Variants in INSIG2 observed in about 807,000 individuals in gnomAD.
INSIG2 encodes the protein insulin induced gene 2, also known as insulin-induced gene 2 protein.
In INSIG2, 10 loss-of-function variants were observed where a neutral mutation model predicts 27.2. That is an observed-to-expected ratio of 0.37 (90% CI 0.23 to 0.62). The LOEUF (loss-of-function observed/expected upper bound fraction) is 0.62. INSIG2 is among the 20% of genes least tolerant of loss of function. The pLI is 0.65. For missense variants in INSIG2, 178 were observed against 270.2 expected (o/e 0.66, Z 2.39); for synonymous variants, 97 against 95.8 (o/e 1.01, Z -0.07).
At chr2:118,100,308 T>C (rs1036153255) in intron 2 of INSIG2, among the ~76,000 whole-genome samples, 4 of 151,614 alleles carry the variant, frequency 2.6e-5, no homozygotes, top group African/African-American at 7.3e-5. Flanking sequence ...CTGCCCTTAA[T>C]GCAGGATTGT....
At chr2:118,099,380 C>T (rs1366844602) in intron 2 of INSIG2, among the ~76,000 whole-genome samples, 2 of 152,178 alleles carry the variant, frequency 1.3e-5, no homozygotes, top group African/African-American at 4.8e-5. Flanking sequence ...TAGCACAATC[C>T]TGGAAAATTT....
At chr2:118,103,101 T>C in intron 2 of INSIG2, 96 bp from the exon 3 acceptor site, 1 of 1,016,146 alleles carries the variant, frequency 9.8e-7, no homozygotes, top group Non-Finnish European at 1.4e-6. Context: ...TTTAAGAATC[T>C]TTAAAATGCT....
At chr2:118,098,683 T>C (rs1279283357) in intron 2 of INSIG2, among the ~76,000 whole-genome samples, 1 of 152,204 alleles carries the variant, frequency 6.6e-6, no homozygotes, top group East Asian at 1.9e-4. Context: ...ACCTGCTGTC[T>C]TGTCCTTCTG....
chr2:118,097,111 T>A (rs553904738), intron 2 of INSIG2, among the ~76,000 whole-genome samples: 2 of 152,300 alleles, frequency 1.3e-5, no homozygotes, highest in Admixed American at 1.3e-4. Flanking sequence ...CATAAATTAT[T>A]TATCTCTGTT....
chr2:118,107,285 A>G (rs77719636), intron 5 of INSIG2, 96 bp downstream of exon 5: 17 of 759,326 alleles, frequency 2.2e-5, no homozygotes, highest in Middle Eastern at 2.4e-4. Flanking sequence ...TGTGAAGACA[A>G]CATTCTTTGA....
chr2:118,090,255 C>T (rs1036462318), intron 1 of INSIG2, among the ~76,000 whole-genome samples: 8 of 152,154 alleles, frequency 5.3e-5, no homozygotes, highest in African/African-American at 1.9e-4. Context: ...AGTAAAAATA[C>T]TTCTTTTACG....
intron 5 of INSIG2, 101 bp downstream of exon 5, chr2:118,107,290 C>A: frequency 4.1e-6 from 3 of 727,396 alleles, no homozygotes; most frequent in Middle Eastern, 2.4e-4. Flanking sequence ...AGACAACATT[C>A]TTTGATTGCT....
chr2:118,105,732 G>A (rs1305803474), intron 3 of INSIG2, among the ~76,000 whole-genome samples: 1 of 152,126 alleles, frequency 6.6e-6, no homozygotes, highest in African/African-American at 2.4e-5. Flanking sequence ...TAAAGGAAGT[G>A]GGAAATGGCT....
At chr2:118,092,731 T>C (rs1678284312) in intron 1 of INSIG2, among the ~76,000 whole-genome samples, 1 of 152,166 alleles carries the variant, frequency 6.6e-6, no homozygotes, top group Admixed American at 6.5e-5. Flanking sequence ...TATGTTTGTT[T>C]TGAAGAGTAG....
In INSIG2 at chr2:118,109,717, C is replaced by G. The variant is rs1015648551; in HGVS notation, c.*1395C>G. The stretch of plus-strand genomic sequence containing the variant: ...CTTTGAGTTTTAAAGCAATTACTAT[C>G]AGACTGAGATCTTGTATGCCAAACT... On this transcript the variant is annotated 3_prime_UTR_variant, in exon 6 of 6. Transcript: ENST00000245787. The G allele has an allele frequency of 2.6e-5, 4 of 151,800 alleles. No individual in the cohort carries two copies. The highest frequency in any genetic ancestry group is 7.3e-5 in the African/African-American group (3 of 41,122). 9.4% of individuals were successfully genotyped at this position (151,800 alleles called of 1,614,324 possible).
chr2:118,098,360 T>C (rs1283970648), intron 2 of INSIG2, among the ~76,000 whole-genome samples: 1 of 152,144 alleles, frequency 6.6e-6, no homozygotes, highest in East Asian at 1.9e-4. Flanking sequence ...AGAGCAACTT[T>C]GGGAGAGAGA....
At chr2:118,093,259 G>A in intron 1 of INSIG2, among the ~76,000 whole-genome samples, 1 of 88,108 alleles carries the variant, frequency 1.1e-5, no homozygotes, top group Non-Finnish European at 2.1e-5. Flanking sequence ...GGAGAGTTCT[G>A]TAGCTACTGA....
chr2:118,101,271 A>G (rs1477305684), intron 2 of INSIG2, among the ~76,000 whole-genome samples: 2 of 152,224 alleles, frequency 1.3e-5, no homozygotes, highest in Admixed American at 6.5e-5. Context: ...TCAGTGAGCA[A>G]CTGAGAACCA....
intron 2 of INSIG2, among the ~76,000 whole-genome samples, chr2:118,099,375 C>T (rs949515558): frequency 1.3e-5 from 2 of 152,224 alleles, no homozygotes; most frequent in African/African-American, 4.8e-5. Context: ...CTCTATAGCA[C>T]AATCCTGGAA....
At chr2:118,102,945 AT>A (rs1366829706) in intron 2 of INSIG2, among the ~76,000 whole-genome samples, 1 of 152,074 alleles carries the variant, frequency 6.6e-6, no homozygotes, top group African/African-American at 2.4e-5. Flanking sequence ...TTTGAAGAGT[AT>A]TTTGTTGATT....
In INSIG2 at chr2:118,109,797, A is replaced by C. The variant is rs1469590056; in HGVS notation, c.*1475A>C. 1 of 152,438 alleles carries C rather than the reference A, an allele frequency of 6.6e-6. No individual in the cohort carries two copies. Among genetic ancestry groups the C allele is most frequent in the Non-Finnish European group, 1.5e-5 (1 of 68,016 alleles). The allele number at this position is 152,438 out of a possible 1,614,324, so 9.4% of individuals were successfully genotyped here. ...GGTGTGAAAATCCTAAGAGGATTTC[A>C]TATTGAATATGTGTACACAATCTTA... On this transcript the variant is annotated 3_prime_UTR_variant, in exon 6 of 6. Coordinates refer to ENST00000245787, the MANE Select transcript of INSIG2 (RefSeq NM_016133.4).
At chr2:118,103,443 G>T in intron 3 of INSIG2, 122 bp downstream of exon 3, 1 of 780,322 alleles carries the variant, frequency 1.3e-6, no homozygotes, top group South Asian at 2.5e-5. Context: ...GTCAGAAGAA[G>T]AATGTCAACC....
At chr2:118,104,055 C>G (rs920368977) in intron 3 of INSIG2, among the ~76,000 whole-genome samples, 1 of 152,244 alleles carries the variant, frequency 6.6e-6, no homozygotes, top group East Asian at 1.9e-4. Flanking sequence ...CTCATTTGCT[C>G]TGACTTTCCT....
In INSIG2 at chr2:118,110,997, A is replaced by G. The variant is rs144265492; in HGVS notation, c.*2675A>G. ...TACCAATAAATACTTCTGTAATCCT[A>G]TTGGCTCAGTTACCTTTATAATGAA... On this transcript the variant is annotated 3_prime_UTR_variant, in exon 6 of 6. Transcript: ENST00000245787. The G allele has an allele frequency of 1.5e-3, 224 of 152,318 alleles. 4 individuals carry two copies. Among genetic ancestry groups the G allele is most frequent in the African/African-American group, 5.1e-3 (213 of 41,570 alleles). The allele number at this position is 152,318 out of a possible 1,614,324, so 9.4% of individuals were successfully genotyped here.
Sources: allele counts gnomAD v4.1 joint callset (sites outside exome capture counted in the v4.1 genomes callset), GRCh38; gene constraint gnomAD v4.1.1; transcripts MANE v1.5; gene names NCBI Gene and HGNC (gene_info 2026-07-23, HGNC 2026-07-21).